The following RIT2 variants were observed in gnomAD, a reference collection of about 807,000 sequenced individuals.
RIT2 encodes GTP-binding protein Rit2.
RIT2 carries 24 observed loss-of-function variants against 23.7 expected under a neutral mutation model. The ratio of observed to expected loss-of-function variants is 1.01; its 90% CI spans 0.73 to 1.43. The LOEUF (loss-of-function observed/expected upper bound fraction) is 1.43, where lower values mean the gene tolerates loss of function less well. RIT2 is among the 40% of genes most tolerant of loss of function. RIT2 has a pLI of 0.00. For synonymous variants in RIT2, 107 were observed against 91.1 expected (o/e 1.17, Z -0.99); for missense variants, 236 against 266.9 (o/e 0.88, Z 0.81).
intron 4 of RIT2, among the ~76,000 whole-genome samples, chr18:42,787,554 G>A (rs1331354564): frequency 2.6e-5 from 4 of 152,136 alleles, no homozygotes; most frequent in East Asian, 1.9e-4. Context: ...TAGCAGGTTC[G>A]GAGAAACATG....
intron 3 of RIT2, among the ~76,000 whole-genome samples, chr18:42,960,328 G>T (rs1424441172): frequency 6.6e-6 from 1 of 152,098 alleles, no homozygotes; most frequent in Non-Finnish European, 1.5e-5. Flanking sequence ...TTTTGTTTTT[G>T]AGATGGAGTC....
At chr18:43,009,948 C>T (rs1276849731) in intron 2 of RIT2, among the ~76,000 whole-genome samples, 1 of 151,746 alleles carries the variant, frequency 6.6e-6, no homozygotes, top group African/African-American at 2.4e-5. Flanking sequence ...ATTCCCACCA[C>T]TAGACTCAAT....
intron 3 of RIT2, among the ~76,000 whole-genome samples, chr18:42,954,094 T>G (rs1392898921): frequency 2.0e-5 from 3 of 152,046 alleles, no homozygotes; most frequent in African/African-American, 7.2e-5. Context: ...TAAAATACAG[T>G]AAATTGGGCA....
intron 4 of RIT2, among the ~76,000 whole-genome samples, chr18:42,785,422 A>C (rs1913900283): frequency 6.6e-6 from 1 of 150,794 alleles, no homozygotes; most frequent in South Asian, 2.1e-4. Context: ...ATCATTATTA[A>C]ATCCATGTTA....
intron 1 of RIT2, among the ~76,000 whole-genome samples, chr18:43,067,403 T>C (rs1305031958): frequency 6.6e-6 from 1 of 152,054 alleles, no homozygotes. Flanking sequence ...ACATACCCCT[T>C]GGGAAACCTG....
At chr18:43,105,509 G>GAAGGGAGGAAGA (rs1221620676) in intron 1 of RIT2, among the ~76,000 whole-genome samples, 27 of 150,684 alleles carry the variant, frequency 1.8e-4, no homozygotes, top group East Asian at 3.9e-4. Flanking sequence ...AGGGAGGGAG[G>GAAGGGAGGAAGA]GAGGGAGGGA....
At chr18:43,006,141 A>C (rs7231220) in intron 2 of RIT2, among the ~76,000 whole-genome samples, 144,632 of 151,682 alleles carry the variant, frequency 0.95, 69,323 homozygotes, top group East Asian at 1. Flanking sequence ...AAAAGCTCCC[A>C]AAAATAAGCC....
chr18:42,764,013 C>T lies in RIT2; in HGVS notation c.427-20293G>A, dbSNP rs989272222. Among the ~76,000 whole-genome samples, 7 of 152,142 alleles carry T rather than the reference C, an allele frequency of 4.6e-5. 1 individual carries two copies. In the South Asian group the frequency reaches 1.5e-3, roughly 32 times the overall value. On this transcript the variant is annotated intron_variant, in intron 4 of 4. Coordinates refer to ENST00000326695, the MANE Select transcript of RIT2 (RefSeq NM_002930.4). ...CATCACTGACCGAAATGTTGTTATG[C>T]AGCACATGACTGTATATCTGTTTTT... is the stretch of plus-strand genomic sequence containing the variant.
At chr18:42,888,524 T>A (rs959632950) in intron 4 of RIT2, among the ~76,000 whole-genome samples, 5 of 151,952 alleles carry the variant, frequency 3.3e-5, no homozygotes, top group African/African-American at 7.2e-5. Context: ...CATCTGTTTT[T>A]TTTTTATTTT....
intron 4 of RIT2, among the ~76,000 whole-genome samples, chr18:42,820,055 T>C (rs1038997222): frequency 1.3e-5 from 2 of 152,174 alleles, no homozygotes; most frequent in Non-Finnish European, 2.9e-5. Flanking sequence ...GGATTCAATA[T>C]AGTATTCAGC....
intron 2 of RIT2, among the ~76,000 whole-genome samples, chr18:43,029,884 CAT>C (rs749810793): frequency 4.6e-5 from 7 of 152,044 alleles, no homozygotes; most frequent in East Asian, 1.9e-4. Context: ...AGTTAACAAA[CAT>C]AGAGAATTTT....
At chr18:42,979,862 T>A (rs561459227) in intron 2 of RIT2, among the ~76,000 whole-genome samples, 168 of 152,238 alleles carry the variant, frequency 1.1e-3, no homozygotes, top group African/African-American at 3.8e-3. Context: ...AAAAAAGCAA[T>A]TGCACTGTAT....
intron 4 of RIT2, among the ~76,000 whole-genome samples, chr18:42,823,943 G>C (rs73951762): frequency 6.6e-6 from 1 of 152,040 alleles, no homozygotes; most frequent in African/African-American, 2.4e-5. Context: ...ACTATTATCA[G>C]GAAACACTCT....
chr18:42,792,483 C>T (rs1054229905), intron 4 of RIT2, among the ~76,000 whole-genome samples: 14 of 152,212 alleles, frequency 9.2e-5, no homozygotes, highest in Admixed American at 2.0e-4. Context: ...TATGCATATA[C>T]GACATTATTT....
rs543887932 is a variant in RIT2, at chr18:42,851,215, A to G, written c.426+72357T>C. 4.6e-5 allele frequency among the ~76,000 whole-genome samples: 7 copies of G among 152,290 alleles called. No homozygotes were observed. In the South Asian group the frequency reaches 1.4e-3, roughly 32 times the overall value. ...TTTGAGGTGGCTTTTTCTCTTTTCT[A>G]TCTCTGCAGAGCTACTTGATACTTT... On this transcript the variant is annotated intron_variant, in intron 4 of 4. Coordinates refer to ENST00000326695, the MANE Select transcript of RIT2 (RefSeq NM_002930.4).
At chr18:42,931,680 A>T (rs970585642) in intron 3 of RIT2, among the ~76,000 whole-genome samples, 29 of 152,094 alleles carry the variant, frequency 1.9e-4, no homozygotes, top group African/African-American at 7.0e-4. Flanking sequence ...CCTGGAGGTC[A>T]CTCATACTGG....
intron 2 of RIT2, among the ~76,000 whole-genome samples, chr18:42,978,186 G>T (rs1910515754): frequency 6.6e-6 from 1 of 151,924 alleles, no homozygotes; most frequent in African/African-American, 2.4e-5. Context: ...CTGAGCTCTA[G>T]ATAAGCCCAG....
intron 1 of RIT2, among the ~76,000 whole-genome samples, chr18:43,046,637 G>A (rs2144302876): frequency 6.6e-6 from 1 of 152,292 alleles, no homozygotes; most frequent in African/African-American, 2.4e-5. Context: ...TACCTATTCT[G>A]TCTAGAGCAG....
intron 4 of RIT2, among the ~76,000 whole-genome samples, chr18:42,863,187 G>T (rs967465440): frequency 6.6e-6 from 1 of 152,084 alleles, no homozygotes; most frequent in Non-Finnish European, 1.5e-5. Flanking sequence ...AGAATTTACT[G>T]TGTTATGCCA....
Sources: gnomAD v4.1 joint callset for allele counts (sites outside exome capture counted in the v4.1 genomes callset) on GRCh38, gnomAD v4.1.1 for gene constraint, MANE v1.5 for transcripts, NCBI Gene and HGNC (gene_info 2026-07-23, HGNC 2026-07-21) for gene names.